DMD: variants seen among roughly 807,000 people sequenced by gnomAD.
The protein encoded by DMD is dystrophin, also known as mutant dystrophin.
In DMD, 63 loss-of-function variants were observed where a neutral mutation model predicts 330.1. The ratio of observed to expected loss-of-function variants is 0.19; its 90% confidence interval spans 0.16 to 0.24. The LOEUF (loss-of-function observed/expected upper bound fraction) is 0.24. Ranked by LOEUF, DMD falls within the 10% of genes least tolerant of loss-of-function variation. The probability of loss-of-function intolerance (pLI) is 1.00; values close to 1 mark genes in which losing one functional copy is unlikely to be tolerated. For missense variants in DMD, 3,344 were observed against 2,684.1 expected (o/e 1.25, Z -5.43); for synonymous variants, 1,223 against 959.8 (o/e 1.27, Z -5.07).
chrX:31,832,927 A>G (rs780145146), intron 49 of DMD, among the ~76,000 whole-genome samples: 20 of 111,915 alleles, frequency 1.8e-4, no homozygotes, highest in Non-Finnish European at 2.8e-4. Flanking sequence ...CTAAATGCTT[A>G]AGCTCAAGAC....
chrX:31,677,074 T>C (rs1210004721), intron 53 of DMD, among the ~76,000 whole-genome samples: 1 of 111,494 alleles, frequency 9.0e-6, no homozygotes, highest in Non-Finnish European at 1.9e-5. Context: ...AGCGTTTTTT[T>C]TTTTTAATTT....
In DMD at chrX:31,658,179, G is replaced by GT. The variant is rs756547093; in HGVS notation, c.7873-36dup. Reference sequence around the variant, plus strand: ...TTTATGAGAAAGAGAATGAATGTCAGTTTTTTTTATGAAATCTCTAGTTGG... The same window carrying GT: ...TTTATGAGAAAGAGAATGAATGTCAGTTTTTTTTTATGAAATCTCTAGTTGG... On this transcript the variant is annotated intron_variant, in intron 53 of 78. Coordinates refer to ENST00000357033, the MANE Select transcript of DMD (RefSeq NM_004006.3). 8.3e-5 allele frequency: 99 copies of GT among 1,198,176 alleles called. 1 individual carries two copies. The highest frequency in any genetic ancestry group is 5.3e-4 in the South Asian group (30 of 56,530).
At chrX:32,618,704 A>G (rs1479867342) in intron 11 of DMD, among the ~76,000 whole-genome samples, 1 of 111,753 alleles carries the variant, frequency 8.9e-6, no homozygotes, top group Non-Finnish European at 1.9e-5. Context: ...TCAAAAGAAA[A>G]AAGAAGAGAT....
At chrX:31,240,424 A>T (rs2048133266) in intron 63 of DMD, among the ~76,000 whole-genome samples, 1 of 111,875 alleles carries the variant, frequency 8.9e-6, no homozygotes, top group Non-Finnish European at 1.9e-5. Flanking sequence ...CTTACTTTTC[A>T]ATACTATCCT....
intron 17 of DMD, among the ~76,000 whole-genome samples, chrX:32,524,610 A>G (rs1461318584): frequency 8.9e-6 from 1 of 112,017 alleles, no homozygotes; most frequent in East Asian, 2.8e-4. Flanking sequence ...CCACACAAAG[A>G]AGGCTTTGTG....
rs756940118 is a variant in DMD at position 32,876,569 on chromosome X, C to A, written c.94-26749G>T. On this transcript the variant is annotated intron_variant, in intron 2 of 78. Coordinates refer to ENST00000357033, the MANE Select transcript of DMD (RefSeq NM_004006.3). ...ATAACCAACTCCAAAAAAAGTCCCT[C>A]CTGATCTTGCGGTCTCTCGGTCATT... Among the ~76,000 whole-genome samples the A allele has an allele frequency of 7.2e-5, 8 of 111,883 alleles. No homozygotes were observed. In the South Asian group the frequency reaches 2.7e-3, roughly 37 times the overall value.
intron 1 of DMD, among the ~76,000 whole-genome samples, chrX:33,108,868 GAAA>G (rs59817056): frequency 4.1e-5 from 1 of 24,231 alleles, no homozygotes; most frequent in Non-Finnish European, 9.3e-5. Flanking sequence ...CTCCGTTTCG[GAAA>G]AAAAAAAAAA....
intron 38 of DMD, among the ~76,000 whole-genome samples, 184 bp downstream of exon 38, chrX:32,348,222 A>G (rs1380069423): frequency 1.8e-5 from 2 of 111,505 alleles, no homozygotes; most frequent in Non-Finnish European, 3.8e-5. Flanking sequence ...CTCCTATATT[A>G]CCATACCATA....
chrX:33,043,471 C>T (rs2094333345), intron 1 of DMD, among the ~76,000 whole-genome samples: 1 of 110,891 alleles, frequency 9.0e-6, no homozygotes, highest in African/African-American at 3.3e-5. Context: ...GTGAAAGAAA[C>T]AAACAGGTAC....
intron 1 of DMD, among the ~76,000 whole-genome samples, chrX:33,278,886 A>G (rs1215136263): frequency 9.0e-6 from 1 of 111,680 alleles, no homozygotes; most frequent in African/African-American, 3.3e-5. Flanking sequence ...ATAAATATAT[A>G]TGCACCCAGC....
rs912435112 is a variant in DMD at position 32,884,021 on chromosome X, G to C, written c.94-34201C>G. 3.7e-5 allele frequency among the ~76,000 whole-genome samples: 4 copies of C among 109,279 alleles called. No homozygotes were observed. In the East Asian group the frequency reaches 1.1e-3, roughly 31 times the overall value. The allele number at this position is 109,279 out of a possible 115,157, so 94.9% of individuals were successfully genotyped here. ...GTAAGTACATAGGTTTTCTGGTTTTGATGTACTCTATCCCTTGCCTGTTTT... is the reference window on the plus strand; with the variant it reads ...GTAAGTACATAGGTTTTCTGGTTTTCATGTACTCTATCCCTTGCCTGTTTT... On this transcript the variant is annotated intron_variant, in intron 2 of 78. Coordinates refer to ENST00000357033, the MANE Select transcript of DMD (RefSeq NM_004006.3).
intron 64 of DMD, among the ~76,000 whole-genome samples, chrX:31,219,600 A>G (rs2045770752): frequency 9.1e-6 from 1 of 110,403 alleles, no homozygotes; most frequent in South Asian, 4.0e-4. Flanking sequence ...ATTACAGTGG[A>G]AGAGAGGTAT....
chrX:32,657,234 T>C (rs1173325311), intron 9 of DMD, among the ~76,000 whole-genome samples: 2 of 111,463 alleles, frequency 1.8e-5, no homozygotes, highest in Non-Finnish European at 3.8e-5. Context: ...AGCACTGTTA[T>C]GGCAAATTCT....
intron 2 of DMD, among the ~76,000 whole-genome samples, chrX:32,950,251 C>T (rs186661331): frequency 9.0e-6 from 1 of 110,962 alleles, no homozygotes; most frequent in African/African-American, 3.3e-5. Context: ...TTAAAACAGG[C>T]CAAATACTGT....
chrX:32,743,388 T>C (rs894252544), intron 7 of DMD, among the ~76,000 whole-genome samples: 1 of 111,354 alleles, frequency 9.0e-6, no homozygotes, highest in African/African-American at 3.3e-5. Context: ...TTCCCTAGCA[T>C]CTCATCCCAA....
intron 7 of DMD, among the ~76,000 whole-genome samples, chrX:32,723,640 C>G (rs1394275489): frequency 9.0e-6 from 1 of 110,734 alleles, no homozygotes; most frequent in Non-Finnish European, 1.9e-5. Context: ...TGAACATTAG[C>G]TAAGAAAAGA....
At chrX:31,432,093 G>A (rs927898993) in intron 60 of DMD, among the ~76,000 whole-genome samples, 4 of 112,145 alleles carry the variant, frequency 3.6e-5, no homozygotes, top group African/African-American at 1.3e-4. Flanking sequence ...GACCACAGGT[G>A]TGAGCCACCG....
chrX:32,515,938 A>T (rs1351448126), intron 18 of DMD, among the ~76,000 whole-genome samples: 2 of 111,857 alleles, frequency 1.8e-5, no homozygotes, highest in Non-Finnish European at 3.8e-5. Context: ...CAAGGAAAAA[A>T]TTATGCTTAG....
In DMD at chrX:31,957,494, C is replaced by T. The variant is rs189627546; in HGVS notation, c.6614+10845G>A. On this transcript the variant is annotated intron_variant, in intron 45 of 78. Coordinates refer to ENST00000357033, the MANE Select transcript of DMD (RefSeq NM_004006.3). ...CAGAATAATTAACCGGGGCAAGATT[C>T]CTCTGAAATGAGAGATAAGGCTTTC... Among the ~76,000 whole-genome samples the T allele has an allele frequency of 2.6e-3, 288 of 111,666 alleles. 1 individual carries two copies. The highest frequency in any genetic ancestry group is 9.0e-3 in the African/African-American group (277 of 30,759).
Sources: allele counts gnomAD v4.1 joint callset (sites outside exome capture counted in the v4.1 genomes callset), GRCh38; gene constraint gnomAD v4.1.1; transcripts MANE v1.5; gene names NCBI Gene and HGNC (gene_info 2026-07-23, HGNC 2026-07-21).